The following NAT10 variants were observed in gnomAD, a reference collection of about 807,000 sequenced individuals.
NAT10 encodes the protein RNA cytidine acetyltransferase.
A neutral mutation model predicts 132.2 loss-of-function variants in NAT10; 109 were observed. That is an observed-to-expected ratio of 0.82 (90% CI 0.71 to 0.97). The LOEUF is 0.97. Among genes scored for constraint, NAT10 ranks in the 50% least tolerant of loss-of-function variants. The pLI, the probability that NAT10 is intolerant of heterozygous loss-of-function variation, is 0.00. For missense variants in NAT10, 1,184 were observed against 1,263.4 expected (o/e 0.94, Z 0.95); for synonymous variants, 479 against 478.0 (o/e 1.00, Z -0.03).
intron 5 of NAT10, among the ~76,000 whole-genome samples, chr11:34,115,156 AAAAT>A (rs1565107986): frequency 3.9e-5 from 6 of 152,360 alleles, no homozygotes; most frequent in East Asian, 3.9e-4. Flanking sequence ...ACTCCGTCTC[AAAAT>A]AAATAAATAA....
intron 27 of NAT10, among the ~76,000 whole-genome samples, chr11:34,142,689 T>C (rs942654440): frequency 6.6e-6 from 1 of 152,156 alleles, no homozygotes; most frequent in East Asian, 1.9e-4. Context: ...ACGTGTGACT[T>C]TGTTTGAAGA....
chr11:34,116,794 C>T (rs1015341263), intron 6 of NAT10, among the ~76,000 whole-genome samples: 9 of 152,140 alleles, frequency 5.9e-5, no homozygotes, highest in Non-Finnish European at 1.3e-4. Flanking sequence ...AAGGTTTCAC[C>T]ATGTTGGCCA....
At chr11:34,142,478 A>G (rs1437984285) in intron 27 of NAT10, 130 bp downstream of exon 27, 7 of 764,114 alleles carry the variant, frequency 9.2e-6, no homozygotes, top group Non-Finnish European at 1.5e-5. Flanking sequence ...TAGGGATGCT[A>G]ACAGTTCTAT....
chr11:34,127,623 C>T (rs201184652), intron 12 of NAT10, 24 bp downstream of exon 12: 1 of 1,587,704 alleles, frequency 6.3e-7, no homozygotes, highest in Admixed American at 1.7e-5. Flanking sequence ...GGCAGGAGTC[C>T]TTACTCCCGT....
intron 21 of NAT10, chr11:34,138,899 C>G (rs191177372): frequency 8.2e-6 from 3 of 366,666 alleles, no homozygotes; most frequent in African/African-American, 2.0e-5. Context: ...CCCTCCCGCA[C>G]GTCCCGAGCA....
Position 34,123,856 on chromosome 11 carries a change from G to A in NAT10, c.1008+1G>A. 1.2e-6 allele frequency: 2 copies of A among 1,601,112 alleles called. No homozygotes were observed. Among genetic ancestry groups the A allele is most frequent in the Non-Finnish European group, 1.7e-6 (2 of 1,168,296 alleles). ...AGGATTTGATGCTCTGCAATATCAG[G>A]TAGGAAATTTGGATTAAGAATTTTT... On this transcript the variant is annotated splice_donor_variant, in intron 10 of 28. Coordinates refer to ENST00000257829, the MANE Select transcript of NAT10 (RefSeq NM_024662.3). LOFTEE classifies it high-confidence loss of function.
intron 16 of NAT10, among the ~76,000 whole-genome samples, chr11:34,133,591 T>C (rs1349593642): frequency 2.0e-5 from 3 of 152,264 alleles, no homozygotes; most frequent in Non-Finnish European, 4.4e-5. Context: ...AAAACACTCA[T>C]AATCTACATA....
intron 17 of NAT10, 37 bp downstream of exon 17, chr11:34,134,457 G>A (rs374580359): frequency 1.9e-5 from 30 of 1,613,792 alleles, no homozygotes; most frequent in Admixed American, 1.5e-4. Context: ...AGGGAAGCTG[G>A]TGGTGTCCAA....
In NAT10 at chr11:34,146,115, G is replaced by A. The variant is rs1380023734; in HGVS notation, c.3001G>A (p.Glu1001Lys). ...DKKRKLEAKQ[E>K]PKQSKKLKNR... ...GAAAAGGAAGTTAGAGGCCAAACAA[G>A]AACCCAAACAGAGCAAGAAGTTGAA... is the stretch of plus-strand genomic sequence containing the variant. Residue 1001 changes from glutamate (E) to lysine (K), a missense_variant, in exon 29 of 29, where the codon GAA (glutamate) becomes AAA (lysine). By Grantham distance (56) the Glu-to-Lys change is moderately conservative. Coordinates refer to ENST00000257829, the MANE Select transcript of NAT10 (RefSeq NM_024662.3). 1.2e-6 allele frequency: 2 copies of A among 1,608,922 alleles called. No individual in the cohort carries two copies. Among genetic ancestry groups the A allele is most frequent in the Non-Finnish European group, 1.7e-6 (2 of 1,178,476 alleles).
In NAT10 at chr11:34,133,969, G is replaced by A. The variant is rs548116526; in HGVS notation, c.1735-350G>A. 3.0e-4 allele frequency among the ~76,000 whole-genome samples: 46 copies of A among 150,952 alleles called. No individual in the cohort carries two copies. In the East Asian group the frequency reaches 6.2e-3, roughly 20 times the overall value. On this transcript the variant is annotated intron_variant, in intron 16 of 28. Coordinates refer to ENST00000257829, the MANE Select transcript of NAT10 (RefSeq NM_024662.3). The stretch of plus-strand genomic sequence containing the variant: ...AGATCAAGACCATCCTGGCTAACAC[G>A]GTGAAACCCCTTCTCTACTAAAAAA...
chr11:34,132,330 CCATTGGGA>C, intron 15 of NAT10, 109 bp downstream of exon 15: 2 of 883,762 alleles, frequency 2.3e-6, no homozygotes, highest in Non-Finnish European at 3.8e-6. Flanking sequence ...GGTGACTGTT[CCATTGGGA>C]CATTGATGAG....
At chr11:34,117,812 T>C (rs1851809715) in intron 6 of NAT10, among the ~76,000 whole-genome samples, 1 of 152,078 alleles carries the variant, frequency 6.6e-6, no homozygotes, top group South Asian at 2.1e-4. Flanking sequence ...GGTGATCATA[T>C]GGGGGTTGGG....
At chr11:34,124,648 G>A (rs2132953467) in intron 11 of NAT10, among the ~76,000 whole-genome samples, 1 of 152,326 alleles carries the variant, frequency 6.6e-6, no homozygotes, top group African/African-American at 2.4e-5. Context: ...TGGAATAAGT[G>A]GGGTGGAAAG....
In NAT10 at chr11:34,135,262, C is replaced by A; in HGVS notation, c.1999C>A (p.Pro667Thr). 1 of 1,614,104 alleles carries A rather than the reference C, an allele frequency of 6.2e-7. No homozygotes were observed. The highest frequency in any genetic ancestry group is 8.5e-7 in the Non-Finnish European group (1 of 1,179,968). ...PCLEEKVLET[P>T]QEIHTVSSEA... ...TCTGGAGGAAAAGGTCCTTGAGACA[C>A]CACAGGAAATTCACACCGTAAGCAG... Residue 667 changes from proline to threonine, a missense_variant, in exon 19 of 29, where the codon CCA (proline) becomes ACA (threonine). Physicochemically the swap from Pro to Thr is conservative, Grantham distance 38. Coordinates refer to ENST00000257829, the MANE Select transcript of NAT10 (RefSeq NM_024662.3).
intron 8 of NAT10, among the ~76,000 whole-genome samples, chr11:34,119,983 C>A (rs1407399314): frequency 6.6e-6 from 1 of 152,160 alleles, no homozygotes; most frequent in Non-Finnish European, 1.5e-5. Flanking sequence ...TACACCCTCG[C>A]AGCCGTGATT....
chr11:34,112,365 C>G (rs1851710914), intron 4 of NAT10, 142 bp downstream of exon 4: 2 of 1,000,536 alleles, frequency 2.0e-6, no homozygotes, highest in Admixed American at 5.5e-5. Flanking sequence ...AGTGGAAGTC[C>G]TGGCCACTTT....
chr11:34,122,608 C>A lies in NAT10; in HGVS notation c.914+16C>A, dbSNP rs776428666. ...TGGCATTTGGGTAAGGGGATTCAGT[C>A]CCCCATCTTTAGGAACTCTGGGCTC... On this transcript the variant is annotated intron_variant, in intron 9 of 28. Coordinates refer to ENST00000257829, the MANE Select transcript of NAT10 (RefSeq NM_024662.3). 2 of 1,613,132 alleles carry A rather than the reference C, an allele frequency of 1.2e-6. No individual in the cohort carries two copies. Among genetic ancestry groups the A allele is most frequent in the Non-Finnish European group, 1.7e-6 (2 of 1,179,576 alleles).
chr11:34,115,990 A>G (rs1590762900), intron 6 of NAT10, 106 bp downstream of exon 6: 8 of 988,920 alleles, frequency 8.1e-6, no homozygotes, highest in Middle Eastern at 2.2e-4. Context: ...AAGTAGTACA[A>G]TATTCCAAAA....
intron 11 of NAT10, 79 bp downstream of exon 11, chr11:34,124,479 T>C (rs535031438): frequency 5.9e-6 from 6 of 1,012,638 alleles, no homozygotes; most frequent in South Asian, 2.8e-5. Flanking sequence ...TTTCCTGTTA[T>C]AGACATGTAT....
Sources: gnomAD v4.1 joint callset for allele counts (sites outside exome capture counted in the v4.1 genomes callset) on GRCh38, gnomAD v4.1.1 for gene constraint, MANE v1.5 for transcripts, NCBI Gene and HGNC (gene_info 2026-07-23, HGNC 2026-07-21) for gene names.